ATP7A: variants seen among roughly 807,000 people sequenced by gnomAD.
The protein encoded by ATP7A is ATPase copper transporting alpha.
ATP7A carries 7 observed loss-of-function variants against 83.5 expected under a neutral mutation model. The observed-to-expected ratio is 0.08, with a 90% confidence interval of 0.05 to 0.16. The LOEUF is 0.16. ATP7A is among the 10% of genes least tolerant of loss of function. The probability of loss-of-function intolerance (pLI) is 1.00; values close to 1 mark genes in which losing one functional copy is unlikely to be tolerated. For missense variants in ATP7A, 940 were observed against 1,120.8 expected, an observed-to-expected ratio of 0.84 and a Z score of 2.30; for synonymous variants, 354 against 395.2, an observed-to-expected ratio of 0.90 and a Z score of 1.24.
Position 78,043,393 on chromosome X carries a change from T to G in ATP7A, c.4082T>G (p.Phe1361Cys). 1 of 1,209,571 alleles carries G rather than the reference T, an allele frequency of 8.3e-7. No individual in the cohort carries two copies. The highest frequency in any genetic ancestry group is 1.1e-6 in the Non-Finnish European group (1 of 893,772). The change falls in exon 21 of 23, where the codon TTT becomes TGT. Residue 1361 changes from phenylalanine (F) to cysteine (C), a missense_variant. Phe to Cys is a radical substitution (Grantham distance 205). Coordinates refer to ENST00000341514, the MANE Select transcript of ATP7A (RefSeq NM_000052.7). ...TVKRIRINFVFALIYNLVGIP... is the reference protein window; with the variant it reads ...TVKRIRINFVCALIYNLVGIP... ...AAGAGGATTCGGATAAATTTTGTCT[T>G]TGCTCTAATTTATAATCTGGTTGGA...
At chrX:78,033,513 C>T in intron 16 of ATP7A, 92 bp from the exon 17 acceptor site, 3 of 887,078 alleles carry the variant, frequency 3.4e-6, no homozygotes, top group Non-Finnish European at 3.3e-6. Flanking sequence ...TTATTATAAA[C>T]ATTTAGAATT....
intron 2 of ATP7A, among the ~76,000 whole-genome samples, chrX:77,986,643 G>A (rs150422470): frequency 0.03 from 3,347 of 111,234 alleles, 64 homozygotes; most frequent in East Asian, 0.087. Context: ...CATCCTAGTC[G>A]TCTCCTTTAT....
intron 4 of ATP7A, among the ~76,000 whole-genome samples, chrX:77,990,956 G>A (rs782244737): frequency 1.8e-5 from 2 of 112,007 alleles, no homozygotes; most frequent in African/African-American, 6.5e-5. Context: ...GTAGATTAAT[G>A]TCAGTGAGAG....
At position 77,988,272 on chromosome X, in the gene ATP7A, A is replaced by G. The variant is rs1557231564; in HGVS notation, c.151A>G (p.Ile51Val). Reference protein sequence around the residue: ...VSLEEKNATIIYDPKLQTPKT... With the variant: ...VSLEEKNATIVYDPKLQTPKT... Reference sequence around the variant, plus strand: ...ACTGGAAGAAAAAAATGCAACTATTATTTATGACCCTAAACTACAGACTCC... The same window carrying G: ...ACTGGAAGAAAAAAATGCAACTATTGTTTATGACCCTAAACTACAGACTCC... The change falls in exon 3 of 23, where the codon ATT (isoleucine) becomes GTT (valine). Residue 51 changes from isoleucine to valine, a missense_variant. Physicochemically the swap from Ile to Val is conservative, Grantham distance 29. Around this residue, in one of 3 missense-constraint regions of ATP7A, gnomAD observed 350 missense variants for 432.8 expected, o/e 0.81. Coordinates refer to ENST00000341514, the MANE Select transcript of ATP7A (RefSeq NM_000052.7). 1 of 1,198,751 alleles carries G rather than the reference A, an allele frequency of 8.3e-7. No individual in the cohort carries two copies. The highest frequency in any genetic ancestry group is 1.8e-5 in the African/African-American group (1 of 56,447).
intron 5 of ATP7A, among the ~76,000 whole-genome samples, chrX:78,001,146 CCTA>C (rs1378793830): frequency 4.5e-5 from 5 of 111,418 alleles, no homozygotes; most frequent in African/African-American, 1.6e-4. Context: ...AAGATTTTTT[CCTA>C]CTTTCTCTAT....
intron 4 of ATP7A, among the ~76,000 whole-genome samples, chrX:77,994,802 A>G (rs1477186539): frequency 1.8e-5 from 2 of 111,192 alleles, no homozygotes; most frequent in East Asian, 5.6e-4. Context: ...TTGGCCTCCC[A>G]AAGTGCTGGG....
chrX:77,968,363 C>G (rs2077522459), intron 1 of ATP7A, among the ~76,000 whole-genome samples: 2 of 112,091 alleles, frequency 1.8e-5, no homozygotes, highest in African/African-American at 3.2e-5. Flanking sequence ...TGATCCCAAC[C>G]TAGAGCCAGA....
At chrX:77,991,244 C>T (rs2077667791) in intron 4 of ATP7A, among the ~76,000 whole-genome samples, 1 of 111,630 alleles carries the variant, frequency 9.0e-6, no homozygotes, top group Admixed American at 9.6e-5. Flanking sequence ...CCCCAAGCTC[C>T]TGATAACAAC....
intron 22 of ATP7A, 130 bp from the exon 23 acceptor site, chrX:78,046,164 A>G: frequency 1.4e-6 from 1 of 725,438 alleles, no homozygotes; most frequent in Non-Finnish European, 2.1e-6. Flanking sequence ...TTTTCCTACC[A>G]GTGATCACCT....
chrX:77,983,402 T>G (rs2077615329), intron 2 of ATP7A, among the ~76,000 whole-genome samples: 1 of 112,005 alleles, frequency 8.9e-6, no homozygotes, highest in Non-Finnish European at 1.9e-5. Flanking sequence ...TTTGTGGGTT[T>G]ATGCAAATTA....
chrX:77,980,680 T>C (rs1318365784), intron 2 of ATP7A, among the ~76,000 whole-genome samples: 1 of 110,670 alleles, frequency 9.0e-6, no homozygotes, highest in Non-Finnish European at 1.9e-5. Flanking sequence ...TTTTAAATTA[T>C]TTTTTGAGAT....
intron 1 of ATP7A, among the ~76,000 whole-genome samples, chrX:77,932,640 C>T (rs1366717784): frequency 1.8e-5 from 2 of 112,935 alleles, no homozygotes; most frequent in Non-Finnish European, 1.9e-5. Context: ...AACCAGACTC[C>T]GTCTGCAAAC....
intron 1 of ATP7A, among the ~76,000 whole-genome samples, chrX:77,950,872 A>G (rs1158118181): frequency 2.7e-5 from 3 of 109,984 alleles, no homozygotes; most frequent in Non-Finnish European, 5.7e-5. Context: ...AAATACAAAA[A>G]TTAGCCCGGT....
At chrX:77,982,189 T>C (rs1255728477) in intron 2 of ATP7A, among the ~76,000 whole-genome samples, 1 of 111,869 alleles carries the variant, frequency 8.9e-6, no homozygotes, top group Non-Finnish European at 1.9e-5. Flanking sequence ...TGATTAATCA[T>C]GTCACTTTTC....
Position 77,971,742 on chromosome X carries a change from A to G in ATP7A, c.101A>G (p.Asn34Ser), listed in dbSNP as rs2077548384. 3 of 1,209,539 alleles carry G rather than the reference A, an allele frequency of 2.5e-6. No homozygotes were observed. Among genetic ancestry groups the G allele is most frequent in the Non-Finnish European group, 3.4e-6 (3 of 894,919 alleles). The change falls in exon 2 of 23, where the codon AAT becomes AGT. Residue 34 changes from asparagine to serine, a missense_variant. Coordinates refer to ENST00000341514, the MANE Select transcript of ATP7A (RefSeq NM_000052.7). ...WTIEQQIGKV[N>S]GVHHIKVSLE... is the part of the protein sequence containing the mutation. ...ATTGAGCAGCAGATTGGAAAAGTGA[A>G]TGGTGTGCATCACATTAAGGTAAGT...
At chrX:77,991,962 C>T (rs1322561108) in intron 4 of ATP7A, among the ~76,000 whole-genome samples, 2 of 110,164 alleles carry the variant, frequency 1.8e-5, no homozygotes, top group Non-Finnish European at 3.8e-5. Context: ...GTCAAGGCTG[C>T]AGTGAGCCGT....
At chrX:77,945,411 C>T (rs1191888509) in intron 1 of ATP7A, among the ~76,000 whole-genome samples, 1 of 110,037 alleles carries the variant, frequency 9.1e-6, no homozygotes, top group Non-Finnish European at 1.9e-5. Context: ...AATTCCCAGA[C>T]TCAAGCGATC....
At chrX:77,969,736 C>G (rs2077535364) in intron 1 of ATP7A, 1 of 1,004,388 alleles carries the variant, frequency 1.0e-6, no homozygotes, top group African/African-American at 1.9e-5. Context: ...CCTAACCACT[C>G]ATTTCCCCTC....
intron 2 of ATP7A, among the ~76,000 whole-genome samples, chrX:77,982,071 CTG>C (rs2149079285): frequency 9.0e-6 from 1 of 111,049 alleles, no homozygotes; most frequent in Non-Finnish European, 1.9e-5. Context: ...TGTATTGAGA[CTG>C]TATGTATTAT....
Sources: gnomAD v4.1 joint callset for allele counts (sites outside exome capture counted in the v4.1 genomes callset) on GRCh38, gnomAD v4.1.1 for gene constraint, gnomAD v4.1.1 regional missense constraint, MANE v1.5 for transcripts, NCBI Gene and HGNC (gene_info 2026-07-23, HGNC 2026-07-21) for gene names.